Variants in RNF43 observed in about 807,000 individuals in gnomAD.
RNF43 encodes ring finger protein 43.
RNF43 carries 37 observed loss-of-function variants against 78.4 expected under a neutral mutation model. The ratio of observed to expected loss-of-function variants is 0.47; its 90% CI spans 0.36 to 0.62. The LOEUF (loss-of-function observed/expected upper bound fraction) is 0.62, where lower values mean the gene tolerates loss of function less well. Ranked by LOEUF, RNF43 falls within the 20% of genes least tolerant of loss-of-function variation. RNF43 has a pLI of 0.00. For missense variants in RNF43, 774 were observed against 1,007.9 expected, an observed-to-expected ratio of 0.77 and a Z score of 3.14; for synonymous variants, 347 against 395.0, an observed-to-expected ratio of 0.88 and a Z score of 1.44.
At chr17:58,365,776 G>C (rs1312244665) in intron 3 of RNF43, among the ~76,000 whole-genome samples, 1 of 152,254 alleles carries the variant, frequency 6.6e-6, no homozygotes, top group East Asian at 1.9e-4. Flanking sequence ...GGAAAGCAGA[G>C]AGAGGATAGG....
Position 58,360,363 on chromosome 17 carries a change from A to G in RNF43, c.850-112T>C. 1 of 737,576 alleles carries G rather than the reference A, an allele frequency of 1.4e-6. No homozygotes were observed. The highest frequency in any genetic ancestry group is 2.3e-6 in the Non-Finnish European group (1 of 427,192). The allele number at this position is 737,576 out of a possible 1,614,324, so 45.7% of individuals were successfully genotyped here. On this transcript the variant is annotated intron_variant, in intron 7 of 9. Transcript: ENST00000407977. This position sits in a 1 kb window ranked among gnomAD's most constrained non-coding sequence, Gnocchi z 4.3. ...CTCTCCTTGCTATTATCTACTTGTA[A>G]AAGACCTCACAGTAGAATAGGAATG...
rs1972890545 is a variant in RNF43, at chr17:58,363,658, C to G, written c.376-58G>C. 3 of 1,463,108 alleles carry G rather than the reference C, an allele frequency of 2.1e-6. No individual in the cohort carries two copies. The Admixed American group carries it at 5.6e-5, about 27-fold the overall frequency. The allele number at this position is 1,463,108 out of a possible 1,614,324, so 90.6% of individuals were successfully genotyped here. On this transcript the variant is annotated intron_variant, in intron 3 of 9. Transcript: ENST00000407977. ...GTCAGGGAAGGACAGAGCCCACCCA[C>G]AGGCTAGCCTCACCCCTCACACATC...
rs959429579 is a variant in RNF43, at chr17:58,385,602, C to T, written c.253-14569G>A. Among the ~76,000 whole-genome samples, 6 of 152,330 alleles carry T rather than the reference C, an allele frequency of 3.9e-5. 1 individual carries two copies. In the Middle Eastern group the frequency reaches 0.02, roughly 518 times the overall value. On this transcript the variant is annotated intron_variant, in intron 2 of 9. Transcript: ENST00000407977. ...TCAAGAACAATCTTCCTAGACACAGCACTGATCCTATCATTGCCCTGTTCA... is the reference window on the plus strand; with the variant it reads ...TCAAGAACAATCTTCCTAGACACAGTACTGATCCTATCATTGCCCTGTTCA...
chr17:58,373,631 T>C (rs1344150596), intron 2 of RNF43, among the ~76,000 whole-genome samples: 2 of 152,206 alleles, frequency 1.3e-5, no homozygotes, highest in Non-Finnish European at 2.9e-5. Flanking sequence ...GAATGGAATA[T>C]CCATCTCCTC....
At chr17:58,415,233 A>G in intron 2 of RNF43, 93 bp downstream of exon 2, 3 of 1,344,440 alleles carry the variant, frequency 2.2e-6, no homozygotes, top group Non-Finnish European at 3.1e-6. Flanking sequence ...GCTAAGCAGT[A>G]GAAGCCCGTG....
intron 3 of RNF43, among the ~76,000 whole-genome samples, chr17:58,370,074 T>G (rs910825961): frequency 1.1e-4 from 16 of 145,506 alleles, no homozygotes; most frequent in Admixed American, 4.1e-4. Context: ...TTTTTTTTTT[T>G]TTTTTTTTTT....
rs990569047 is a variant in RNF43, at chr17:58,353,713, T to C, written c.*1230A>G. 2 of 211,244 alleles carry C rather than the reference T, an allele frequency of 9.5e-6. No individual in the cohort carries two copies. The highest frequency in any genetic ancestry group is 4.5e-5 in the African/African-American group (2 of 44,054). The allele number at this position is 211,244 out of a possible 1,614,324, so 13.1% of individuals were successfully genotyped here. A position where few individuals can be genotyped will look rare whatever the true frequency, so the allele number is the denominator to read the frequency against. The stretch of plus-strand genomic sequence containing the variant: ...TATATTAGCAAATAAATATATTTCT[T>C]AACATAGTGCCTGATTCAAGCGTCT... On this transcript the variant is annotated 3_prime_UTR_variant, in exon 10 of 10. Transcript: ENST00000407977.
chr17:58,414,743 G>C (rs2143691437), intron 2 of RNF43, among the ~76,000 whole-genome samples: 1 of 152,330 alleles, frequency 6.6e-6, no homozygotes, highest in East Asian at 1.9e-4. Context: ...AGGCCAAAGT[G>C]ATCAGGAGGC....
In RNF43 at chr17:58,360,297, G is replaced by A; in HGVS notation, c.850-46C>T. On this transcript the variant is annotated intron_variant, in intron 7 of 9. Transcript: ENST00000407977. The surrounding 1 kb of genome is among the most constrained non-coding windows in gnomAD (Gnocchi z 4.3). The stretch of plus-strand genomic sequence containing the variant: ...CAAACCAAAGGCTTCTGTAGCCATA[G>A]GAATTGCCAGGAATCAGGACATCCC... The A allele has an allele frequency of 7.0e-7, 1 of 1,430,398 alleles. No homozygotes were observed. The highest frequency in any genetic ancestry group is 9.9e-7 in the Non-Finnish European group (1 of 1,013,208). 88.6% of individuals were successfully genotyped at this position (1,430,398 alleles called of 1,614,324 possible).
intron 2 of RNF43, among the ~76,000 whole-genome samples, chr17:58,408,634 A>G (rs1973961670): frequency 6.6e-6 from 1 of 152,210 alleles, no homozygotes. Flanking sequence ...TTTTGAAATA[A>G]CAACACACGA....
At chr17:58,404,708 A>C (rs1232095098) in intron 2 of RNF43, among the ~76,000 whole-genome samples, 1 of 152,222 alleles carries the variant, frequency 6.6e-6, no homozygotes, top group Non-Finnish European at 1.5e-5. Context: ...CTAAATAGAT[A>C]TGATATTCAA....
intron 2 of RNF43, among the ~76,000 whole-genome samples, chr17:58,385,793 C>A (rs1357560734): frequency 6.6e-6 from 1 of 152,062 alleles, no homozygotes; most frequent in Non-Finnish European, 1.5e-5. Flanking sequence ...TGTGGGTAAC[C>A]TAATCTCTCT....
intron 2 of RNF43, among the ~76,000 whole-genome samples, chr17:58,382,603 T>A (rs996800763): frequency 2.0e-5 from 3 of 152,218 alleles, no homozygotes; most frequent in Non-Finnish European, 4.4e-5. Context: ...TCCTGTTTAA[T>A]AACCCATCCC....
chr17:58,364,036 A>G (rs560214394), intron 3 of RNF43, among the ~76,000 whole-genome samples: 80 of 152,320 alleles, frequency 5.3e-4, no homozygotes, highest in African/African-American at 1.8e-3. Context: ...GCAGAGAAGT[A>G]GAGCTCTCCT....
chr17:58,412,268 C>T (rs141716137), intron 2 of RNF43, among the ~76,000 whole-genome samples: 1 of 151,856 alleles, frequency 6.6e-6, no homozygotes, highest in Admixed American at 6.6e-5. Context: ...TGGAATGATA[C>T]AGTAATATAA....
intron 3 of RNF43, among the ~76,000 whole-genome samples, chr17:58,365,206 C>G (rs1193585405): frequency 6.6e-6 from 1 of 152,164 alleles, no homozygotes; most frequent in Non-Finnish European, 1.5e-5. Context: ...ATCTTCAGAA[C>G]CCTCCTAACA....
At chr17:58,401,338 T>C (rs918090475) in intron 2 of RNF43, among the ~76,000 whole-genome samples, 1 of 152,260 alleles carries the variant, frequency 6.6e-6, no homozygotes, top group Non-Finnish European at 1.5e-5. Flanking sequence ...CCTCCTGATA[T>C]TGGAACATCC....
At chr17:58,414,656 T>C (rs1467929046) in intron 2 of RNF43, among the ~76,000 whole-genome samples, 1 of 152,240 alleles carries the variant, frequency 6.6e-6, no homozygotes, top group African/African-American at 2.4e-5. Flanking sequence ...TAAGAAACTA[T>C]GTCTGAAAAA....
rs1974104221 is a variant in RNF43, at chr17:58,415,454, C to T, written c.124G>A (p.Ala42Thr). 6.2e-7 allele frequency: 1 copy of T among 1,614,184 alleles called. No individual in the cohort carries two copies. The highest frequency in any genetic ancestry group is 8.5e-7 in the Non-Finnish European group (1 of 1,180,042). The change falls in exon 2 of 10, where the codon GCA (alanine) becomes ACA (threonine). Residue 42 changes from alanine to threonine, a missense_variant. Transcript: ENST00000407977. ...ACTCTGATAATAGCTTTCTGTTCTGCTGATCTTTCAGACTCCACCGCTGCT... is the reference window on the plus strand; with the variant it reads ...ACTCTGATAATAGCTTTCTGTTCTGTTGATCTTTCAGACTCCACCGCTGCT... The part of the protein sequence containing the change: ...LAAAVESERS[A>T]EQKAIIRVIP...
Sources: allele counts gnomAD v4.1 joint callset (sites outside exome capture counted in the v4.1 genomes callset), GRCh38; gene constraint gnomAD v4.1.1; non-coding constraint Gnocchi (gnomAD v3.1); transcripts MANE v1.5; gene names NCBI Gene and HGNC (gene_info 2026-07-23, HGNC 2026-07-21).